Variants in GRIN3A observed in about 807,000 individuals in gnomAD.
GRIN3A encodes the protein glutamate receptor ionotropic, NMDA 3A.
GRIN3A carries 47 observed loss-of-function variants against 92.4 expected under a neutral mutation model. That is an observed-to-expected ratio of 0.51 (90% CI 0.40 to 0.65). The LOEUF (loss-of-function observed/expected upper bound fraction) is 0.65, where lower values mean the gene tolerates loss of function less well. Ranked by LOEUF, GRIN3A falls within the 30% of genes least tolerant of loss-of-function variation. The pLI is 0.00. For missense variants in GRIN3A, 1,324 were observed against 1,393.1 expected (o/e 0.95, Z 0.79); for synonymous variants, 527 against 540.6 (o/e 0.97, Z 0.35).
Position 101,738,334 on chromosome 9 carries a change from G to A in GRIN3A, c.-355C>T. On this transcript the variant is annotated 5_prime_UTR_variant, in exon 1 of 9. Coordinates refer to ENST00000361820, the MANE Select transcript of GRIN3A (RefSeq NM_133445.3). ...CTGCGTCCGGCCCCGCGAGGCGGCC[G>A]GGATGAGAAGCAGCCGGAGTTCCTC... 2 of 332,370 alleles carry A rather than the reference G, an allele frequency of 6.0e-6. No homozygotes were observed. Among genetic ancestry groups the A allele is most frequent in the South Asian group, 3.3e-5 (1 of 30,264 alleles). The allele number at this position is 332,370 out of a possible 1,614,324, so 20.6% of individuals were successfully genotyped here. A position where few individuals can be genotyped will look rare whatever the true frequency, so the allele number is the denominator to read the frequency against.
At chr9:101,671,247 A>G (rs992724149) in intron 2 of GRIN3A, 140 bp from the exon 3 acceptor site, 6 of 706,058 alleles carry the variant, frequency 8.5e-6, no homozygotes, top group Non-Finnish European at 1.5e-5. Context: ...AATTTCTTCA[A>G]ATGTTAATAA....
intron 4 of GRIN3A, among the ~76,000 whole-genome samples, chr9:101,626,984 G>A (rs1447135149): frequency 6.6e-6 from 1 of 152,230 alleles, no homozygotes; most frequent in Non-Finnish European, 1.5e-5. Context: ...AATGCCCTGA[G>A]TGGAGTGGAA....
At chr9:101,726,995 A>G (rs951901622) in intron 1 of GRIN3A, among the ~76,000 whole-genome samples, 3 of 152,172 alleles carry the variant, frequency 2.0e-5, no homozygotes, top group Non-Finnish European at 2.9e-5. Flanking sequence ...AAAGACAATG[A>G]AAGGACAGGG....
intron 4 of GRIN3A, among the ~76,000 whole-genome samples, chr9:101,625,624 A>G (rs1828623408): frequency 6.6e-6 from 1 of 152,212 alleles, no homozygotes; most frequent in South Asian, 2.1e-4. Context: ...TGAGGCCCAA[A>G]TTTAACTTTA....
At chr9:101,601,642 G>A (rs1323165031) in intron 6 of GRIN3A, among the ~76,000 whole-genome samples, 1 of 152,138 alleles carries the variant, frequency 6.6e-6, no homozygotes, top group Non-Finnish European at 1.5e-5. Flanking sequence ...GAAACCTGTA[G>A]GGCAACCCTT....
At chr9:101,646,929 A>T (rs189691404) in intron 3 of GRIN3A, among the ~76,000 whole-genome samples, 1 of 151,732 alleles carries the variant, frequency 6.6e-6, no homozygotes, top group Non-Finnish European at 1.5e-5. Context: ...AATATAAAAA[A>T]AAATCTGTGA....
chr9:101,737,334 G>T lies in GRIN3A; in HGVS notation c.646C>A (p.Leu216Met). 1.9e-6 allele frequency: 3 copies of T among 1,614,220 alleles called. No homozygotes were observed. Among genetic ancestry groups the T allele is most frequent in the Non-Finnish European group, 2.5e-6 (3 of 1,180,046 alleles). ...ACGATGCTGATCACTGGAATGTGCA[G>T]GACTAAGCTGACCAAGTCGAGCTCC... is the stretch of plus-strand genomic sequence containing the variant. Reference protein sequence around the residue: ...MMELDLVSLVLHIPVISIVRH... With the variant: ...MMELDLVSLVMHIPVISIVRH... The change falls in exon 1 of 9, where the codon CTG (leucine) becomes ATG (methionine). Residue 216 changes from leucine (L) to methionine (M), a missense_variant. By Grantham distance (15) the Leu-to-Met change is conservative. Coordinates refer to ENST00000361820, the MANE Select transcript of GRIN3A (RefSeq NM_133445.3).
chr9:101,673,910 A>G (rs1427163070), intron 2 of GRIN3A, among the ~76,000 whole-genome samples: 2 of 152,064 alleles, frequency 1.3e-5, no homozygotes, highest in African/African-American at 4.8e-5. Context: ...ATCATGATAG[A>G]GGTAAATCTG....
At chr9:101,621,460 C>A (rs1284879683) in intron 5 of GRIN3A, among the ~76,000 whole-genome samples, 1 of 152,116 alleles carries the variant, frequency 6.6e-6, no homozygotes, top group Non-Finnish European at 1.5e-5. Context: ...AATTAATTTT[C>A]TGATGTGTAC....
chr9:101,695,564 A>G (rs185705348), intron 1 of GRIN3A, among the ~76,000 whole-genome samples: 18 of 152,326 alleles, frequency 1.2e-4, no homozygotes, highest in African/African-American at 4.1e-4. Flanking sequence ...TGGAGGTCAA[A>G]GGACCATAGA....
At chr9:101,677,800 C>G (rs1025378838) in intron 2 of GRIN3A, among the ~76,000 whole-genome samples, 2 of 152,130 alleles carry the variant, frequency 1.3e-5, no homozygotes. Flanking sequence ...ATATATGGGA[C>G]AGTTCTCCAA....
intron 2 of GRIN3A, among the ~76,000 whole-genome samples, chr9:101,677,345 C>CTTTAT (rs530921435): frequency 3.1e-4 from 47 of 151,994 alleles, no homozygotes; most frequent in Admixed American, 1.6e-3. Flanking sequence ...CTTTAATACT[C>CTTTAT]TTTATTTTAT....
chr9:101,709,514 C>T (rs895059834), intron 1 of GRIN3A, among the ~76,000 whole-genome samples: 3 of 152,108 alleles, frequency 2.0e-5, no homozygotes, highest in African/African-American at 7.2e-5. Context: ...CTCACGCTGC[C>T]GTCTAAGTTC....
chr9:101,732,685 G>A (rs777868065), intron 1 of GRIN3A, among the ~76,000 whole-genome samples: 6 of 152,056 alleles, frequency 3.9e-5, no homozygotes, highest in South Asian at 2.1e-4. Flanking sequence ...TAGTAATTTC[G>A]AAAAGAAAAT....
intron 3 of GRIN3A, among the ~76,000 whole-genome samples, chr9:101,648,965 CT>C: frequency 6.6e-6 from 1 of 152,000 alleles, no homozygotes; most frequent in South Asian, 2.1e-4. Flanking sequence ...TTGCATTGAA[CT>C]TAACTCACTG....
rs376292894 is a variant in GRIN3A, at chr9:101,621,762, T to C, written c.2614+1556A>G. Among the ~76,000 whole-genome samples the C allele has an allele frequency of 1.1e-4, 17 of 152,308 alleles. No homozygotes were observed. In the East Asian group the frequency reaches 3.1e-3, roughly 28 times the overall value. ...CCACTGTCTTTTGACAAGATAGAGT[T>C]GTCCCCTGAAGATAAAGGTGGAAAA... is the stretch of plus-strand genomic sequence containing the variant. On this transcript the variant is annotated intron_variant, in intron 5 of 8. Coordinates refer to ENST00000361820, the MANE Select transcript of GRIN3A (RefSeq NM_133445.3).
chr9:101,573,141 T>C lies in GRIN3A; in HGVS notation c.*33A>G. 6.4e-7 allele frequency: 1 copy of C among 1,558,736 alleles called. No homozygotes were observed. Among genetic ancestry groups the C allele is most frequent in the Non-Finnish European group, 8.9e-7 (1 of 1,129,718 alleles). On this transcript the variant is annotated 3_prime_UTR_variant, in exon 9 of 9. Coordinates refer to ENST00000361820, the MANE Select transcript of GRIN3A (RefSeq NM_133445.3). ...AGTGTCTCAAGGGCTCAGAGGAAGGTCAGGAACTGAGAAAGGGAAGCAGTG... is the reference window on the plus strand; with the variant it reads ...AGTGTCTCAAGGGCTCAGAGGAAGGCCAGGAACTGAGAAAGGGAAGCAGTG...
intron 6 of GRIN3A, among the ~76,000 whole-genome samples, chr9:101,583,036 CAAT>C (rs1156357651): frequency 6.6e-6 from 1 of 152,118 alleles, no homozygotes; most frequent in Non-Finnish European, 1.5e-5. Flanking sequence ...ATGCCAGATA[CAAT>C]ATACCTGTAT....
At chr9:101,722,364 G>A (rs1456784921) in intron 1 of GRIN3A, among the ~76,000 whole-genome samples, 1 of 152,252 alleles carries the variant, frequency 6.6e-6, no homozygotes, top group Non-Finnish European at 1.5e-5. Flanking sequence ...GAGAACCTCT[G>A]CTAGGGCAGT....
Sources: allele counts gnomAD v4.1 joint callset (sites outside exome capture counted in the v4.1 genomes callset), GRCh38; gene constraint gnomAD v4.1.1; transcripts MANE v1.5; gene names NCBI Gene and HGNC (gene_info 2026-07-23, HGNC 2026-07-21).